LRP2: variants seen among roughly 807,000 people sequenced by gnomAD.
LRP2 encodes LDL receptor related protein 2.
Under a neutral mutation model 531.0 loss-of-function variants are expected in LRP2, and 172 were observed. The observed-to-expected ratio is 0.32, with a 90% CI of 0.29 to 0.37. The LOEUF is 0.37. Among genes scored for constraint, LRP2 ranks in the 10% least tolerant of loss-of-function variants. LRP2 has a pLI of 1.00. For missense variants in LRP2, 5,167 were observed against 5,868.3 expected (o/e 0.88, Z 3.90); for synonymous variants, 1,992 against 2,027.6 (o/e 0.98, Z 0.47).
chr2:169,188,229 G>A lies in LRP2; in HGVS notation c.9069C>T (p.Asp3023=), dbSNP rs148612649. Residue 3023 remains aspartate, a synonymous_variant, in exon 49 of 79, where the codon GAC becomes GAT. Transcript: ENST00000649046. ...DRHNDCGDYS[D]ERGCLYQTCQ... is the part of the protein sequence containing the mutation. ...AAGTCTGGTATAAGCAGCCCCTCTC[G>A]TCGCTATAGTCACCACAGTCATTGT... is the stretch of plus-strand genomic sequence containing the variant. 7.8e-5 allele frequency: 126 copies of A among 1,614,030 alleles called. No homozygotes were observed. In the African/African-American group the frequency reaches 1.1e-3, roughly 14 times the overall value.
chr2:169,167,156 A>G (rs894959267), intron 61 of LRP2, among the ~76,000 whole-genome samples: 16 of 152,226 alleles, frequency 1.1e-4, no homozygotes, highest in African/African-American at 3.9e-4. Flanking sequence ...AGATTTCCTA[A>G]GGACTTCTTT....
At chr2:169,154,055 G>A (rs560739478) in intron 66 of LRP2, among the ~76,000 whole-genome samples, 1 of 152,308 alleles carries the variant, frequency 6.6e-6, no homozygotes, top group Admixed American at 6.5e-5. Context: ...TTCATGGTGA[G>A]CAATCATAGA....
rs1690064404 is a variant in LRP2 at position 169,247,658 on chromosome 2, C to G, written c.2771-143G>C. The G allele has an allele frequency of 1.1e-5, 10 of 888,218 alleles. No homozygotes were observed. The South Asian group carries it at 1.5e-4, about 13-fold the overall frequency. 55.0% of individuals were successfully genotyped at this position (888,218 alleles called of 1,614,324 possible). A position where few individuals can be genotyped will look rare whatever the true frequency, so the allele number is the denominator to read the frequency against. Reference sequence around the variant, plus strand: ...AATATCTGTAATATGTTTCTCTAACCATTTTCCACGACTTGTTACTCCCTA... The same window carrying G: ...AATATCTGTAATATGTTTCTCTAACGATTTTCCACGACTTGTTACTCCCTA... On this transcript the variant is annotated intron_variant, in intron 19 of 78. Coordinates refer to ENST00000649046, the MANE Select transcript of LRP2 (RefSeq NM_004525.3).
chr2:169,195,482 T>C (rs535239027), intron 46 of LRP2, among the ~76,000 whole-genome samples: 39 of 152,180 alleles, frequency 2.6e-4, no homozygotes, highest in Non-Finnish European at 4.9e-4. Context: ...TTGTACATCG[T>C]ATTATTTCTT....
At chr2:169,301,416 A>G (rs886387757) in intron 4 of LRP2, among the ~76,000 whole-genome samples, 5 of 149,974 alleles carry the variant, frequency 3.3e-5, no homozygotes, top group Admixed American at 1.3e-4. Flanking sequence ...AAAAAAAAAA[A>G]GTTAATTGAC....
intron 15 of LRP2, among the ~76,000 whole-genome samples, chr2:169,271,375 C>G (rs967577786): frequency 1.3e-5 from 2 of 151,666 alleles, no homozygotes; most frequent in East Asian, 3.9e-4. Flanking sequence ...AAATGATATC[C>G]ATATGCTTAA....
intron 16 of LRP2, among the ~76,000 whole-genome samples, chr2:169,261,394 T>G (rs1178557794): frequency 6.6e-6 from 1 of 151,926 alleles, no homozygotes; most frequent in African/African-American, 2.4e-5. Context: ...GGCACAGTCA[T>G]AGCCCACTGC....
chr2:169,172,331 G>A (rs1304747012), intron 57 of LRP2, among the ~76,000 whole-genome samples, 197 bp from the exon 58 acceptor site: 1 of 152,114 alleles, frequency 6.6e-6, no homozygotes, highest in African/African-American at 2.4e-5. Context: ...CTTGAAACTC[G>A]ATCCATTCCC....
At chr2:169,307,619 C>T (rs773195928) in intron 3 of LRP2, among the ~76,000 whole-genome samples, 3 of 152,062 alleles carry the variant, frequency 2.0e-5, no homozygotes, top group East Asian at 3.9e-4. Flanking sequence ...TACACAATTA[C>T]GTTATCAACA....
chr2:169,284,879 C>T lies in LRP2; in HGVS notation c.1043-1878G>A, dbSNP rs544669572. On this transcript the variant is annotated intron_variant, in intron 9 of 78. Coordinates refer to ENST00000649046, the MANE Select transcript of LRP2 (RefSeq NM_004525.3). ...TTTGAATGCAAGATCCATGAGACCA[C>T]GTCTAAGGATCTGGAGTCACTCTAA... Among the ~76,000 whole-genome samples, 11 of 152,266 alleles carry T rather than the reference C, an allele frequency of 7.2e-5. 1 individual carries two copies. In the South Asian group the frequency reaches 8.3e-4, roughly 11 times the overall value.
At chr2:169,215,331 A>C (rs559449827) in intron 35 of LRP2, among the ~76,000 whole-genome samples, 1 of 152,272 alleles carries the variant, frequency 6.6e-6, no homozygotes, top group East Asian at 1.9e-4. Flanking sequence ...TCAGCACCCA[A>C]AGCAATGCTT....
At chr2:169,176,690 T>TA (rs979112774) in intron 53 of LRP2, 102 bp from the exon 54 acceptor site, 12,570 of 806,936 alleles carry the variant, frequency 0.016, 2 homozygotes, top group Non-Finnish European at 0.018. Context: ...CACCTCTTAG[T>TA]AAAAAAAAAA....
intron 16 of LRP2, among the ~76,000 whole-genome samples, chr2:169,264,283 G>A (rs1200850501): frequency 3.3e-5 from 5 of 151,602 alleles, no homozygotes; most frequent in African/African-American, 7.3e-5. Flanking sequence ...TTAAAAAAAG[G>A]TAGGTTGCTC....
chr2:169,156,127 G>C, intron 65 of LRP2, 147 bp downstream of exon 65: 3 of 962,828 alleles, frequency 3.1e-6, no homozygotes, highest in Non-Finnish European at 4.7e-6. Flanking sequence ...CGACTAAAGA[G>C]GTGTTGGAAG....
chr2:169,244,942 T>C lies in LRP2; in HGVS notation c.3191-10A>G, dbSNP rs1310893535. 21 of 1,614,034 alleles carry C rather than the reference T, an allele frequency of 1.3e-5. No homozygotes were observed. The highest frequency in any genetic ancestry group is 1.8e-5 in the Non-Finnish European group (21 of 1,180,004). On this transcript the variant is annotated splice_polypyrimidine_tract_variant and intron_variant, in intron 21 of 78. Coordinates refer to ENST00000649046, the MANE Select transcript of LRP2 (RefSeq NM_004525.3). ...GATGAACAGGTATTATCTACAATAG[T>C]AACAAACTGGTCATGAAGACATTTG...
intron 76 of LRP2, among the ~76,000 whole-genome samples, chr2:169,134,788 A>G (rs956018351): frequency 1.3e-5 from 2 of 152,184 alleles, no homozygotes; most frequent in Admixed American, 1.3e-4. Flanking sequence ...TCTATCATTA[A>G]TGCGTCTTTA....
intron 3 of LRP2, among the ~76,000 whole-genome samples, chr2:169,313,626 G>T (rs1200227973): frequency 6.6e-6 from 1 of 152,166 alleles, no homozygotes; most frequent in East Asian, 1.9e-4. Flanking sequence ...CCCCTACTGG[G>T]AGGTGTCTCC....
intron 1 of LRP2, among the ~76,000 whole-genome samples, chr2:169,358,616 T>C (rs1449645129): frequency 6.6e-6 from 1 of 152,206 alleles, no homozygotes; most frequent in Non-Finnish European, 1.5e-5. Flanking sequence ...CTTTTAAACA[T>C]ATAAACTTCA....
At position 169,278,507 on chromosome 2, in the gene LRP2, C is replaced by T. The variant is rs573756444; in HGVS notation, c.1566-556G>A. ...TCAAAAAAAAAAAATTCATATTCAC[C>T]TTCTGAACTTTCTCCTCTGTTTCCT... On this transcript the variant is annotated intron_variant, in intron 12 of 78. Coordinates refer to ENST00000649046, the MANE Select transcript of LRP2 (RefSeq NM_004525.3). 4.3e-4 allele frequency among the ~76,000 whole-genome samples: 66 copies of T among 152,212 alleles called. No individual in the cohort carries two copies. The Middle Eastern group carries it at 0.014, about 31-fold the overall frequency.
Sources: allele counts gnomAD v4.1 joint callset (sites outside exome capture counted in the v4.1 genomes callset), GRCh38; gene constraint gnomAD v4.1.1; transcripts MANE v1.5; gene names NCBI Gene and HGNC (gene_info 2026-07-23, HGNC 2026-07-21).